Variants in GINM1 observed in about 807,000 individuals in gnomAD.
The protein encoded by GINM1 is glycoprotein integral membrane protein 1.
Under a neutral mutation model 37.8 loss-of-function variants are expected in GINM1, and 29 were observed. The ratio of observed to expected loss-of-function variants is 0.77; its 90% CI spans 0.57 to 1.05. The LOEUF is 1.05. GINM1 is among the 50% of genes least tolerant of loss of function. The probability of loss-of-function intolerance (pLI) is 0.00; values close to 1 mark genes in which losing one functional copy is unlikely to be tolerated. For missense variants in GINM1, 377 were observed against 397.9 expected (o/e 0.95, Z 0.45); for synonymous variants, 143 against 146.2 (o/e 0.98, Z 0.16).
chr6:149,588,196 G>T (rs1778102119), intron 7 of GINM1, among the ~76,000 whole-genome samples: 1 of 152,124 alleles, frequency 6.6e-6, no homozygotes, highest in African/African-American at 2.4e-5. Context: ...CTTACAACCT[G>T]ATGATAATCT....
At chr6:149,572,406 T>A in intron 2 of GINM1, 62 bp downstream of exon 2, 1 of 1,334,132 alleles carries the variant, frequency 7.5e-7, no homozygotes, top group Non-Finnish European at 1.1e-6. Context: ...CTTATTTGAT[T>A]TTTTAACTTG....
intron 7 of GINM1, 75 bp from the exon 8 acceptor site, chr6:149,590,652 A>G (rs1349420084): frequency 1.3e-6 from 1 of 756,616 alleles, no homozygotes; most frequent in Non-Finnish European, 2.3e-6. Flanking sequence ...ACCTTGAAGT[A>G]GCCTTTTCTC....
chr6:149,582,473 G>A lies in GINM1; in HGVS notation c.751G>A (p.Asp251Asn), dbSNP rs756008447. Residue 251 changes from aspartate (D) to asparagine (N), a missense_variant, in exon 7 of 8, where the codon GAT (aspartate) becomes AAT (asparagine). Physicochemically the swap from Asp to Asn is conservative, Grantham distance 23. Transcript: ENST00000367419. The stretch of plus-strand genomic sequence containing the variant: ...TCAGTGGATGGAAAAGTTTAGAAAA[G>A]ATCTGTGTAGGTTCTGGAGCAACGT... ...MCQWMEKFRK[D>N]LCRFWSNVFP... 1 of 1,608,870 alleles carries A rather than the reference G, an allele frequency of 6.2e-7. No homozygotes were observed. Among genetic ancestry groups the A allele is most frequent in the Admixed American group, 1.7e-5 (1 of 58,372 alleles).
rs956357545 is a variant in GINM1 at position 149,579,989 on chromosome 6, A to G, written c.585A>G (p.Lys195=). 1.3e-6 allele frequency: 2 copies of G among 1,569,774 alleles called. No individual in the cohort carries two copies. Among genetic ancestry groups the G allele is most frequent in the Non-Finnish European group, 1.7e-6 (2 of 1,155,660 alleles). The change falls in exon 5 of 8, where the codon AAA becomes AAG. Residue 195 remains lysine (K), a splice_region_variant and synonymous_variant. Coordinates refer to ENST00000367419, the MANE Select transcript of GINM1 (RefSeq NM_138785.5). ...TTACCCTTCCTAACCTCTCCAAAAA[A>G]GGTAACTTAAAAGACCATTATTTAA... The part of the protein sequence containing the change: ...ILFTLPNLSK[K]ESVSSLQTTS...
Position 149,578,860 on chromosome 6 carries a change from T to C in GINM1, c.316T>C (p.Tyr106His). Residue 106 changes from tyrosine (Y) to histidine (H), a missense_variant, in exon 4 of 8, where the codon TAT (tyrosine) becomes CAT (histidine). By Grantham distance (83) the Tyr-to-His change is moderately conservative (BLOSUM62 2). Coordinates refer to ENST00000367419, the MANE Select transcript of GINM1 (RefSeq NM_138785.5). ...ENLENLEEKEYFGIVSVRILV... is the reference protein window; with the variant it reads ...ENLENLEEKEHFGIVSVRILV... ...TCTTGAAAATTTGGAGGAAAAAGAA[T>C]ATTTTGGAATTGTCAGTGTAAGGAT... 6.3e-7 allele frequency: 1 copy of C among 1,588,698 alleles called. No individual in the cohort carries two copies. Among genetic ancestry groups the C allele is most frequent in the African/African-American group, 1.3e-5 (1 of 74,110 alleles).
intron 3 of GINM1, among the ~76,000 whole-genome samples, chr6:149,577,800 G>A (rs147342756): frequency 0.012 from 1,857 of 152,264 alleles, 15 homozygotes; most frequent in Middle Eastern, 0.041. Context: ...TCTGTGACAG[G>A]TGCATTGGTG....
intron 3 of GINM1, 84 bp downstream of exon 3, chr6:149,572,687 A>G: frequency 1.1e-6 from 1 of 871,564 alleles, no homozygotes. Context: ...TTTTTGAGAC[A>G]GTCTTGCTCT....
At chr6:149,569,232 C>T (rs1335513876) in intron 1 of GINM1, among the ~76,000 whole-genome samples, 1 of 151,698 alleles carries the variant, frequency 6.6e-6, no homozygotes, top group African/African-American at 2.4e-5. Context: ...GATGGGGTTT[C>T]ACCATGTTGG....
chr6:149,586,702 A>G (rs1458639999), intron 7 of GINM1, among the ~76,000 whole-genome samples: 1 of 152,054 alleles, frequency 6.6e-6, no homozygotes. Flanking sequence ...TTTTCTTATC[A>G]CTACATATAT....
Position 149,566,607 on chromosome 6 carries a change from C to T in GINM1, c.120+73C>T. On this transcript the variant is annotated intron_variant, in intron 1 of 7. Transcript: ENST00000367419. The surrounding 1 kb of genome is among the most constrained non-coding windows in gnomAD (Gnocchi z 4.4). ...GGGAGGCCCGGGCTGTCCACAGTGA[C>T]GCTTCCCACATCCCACCGGCGGGCA... The T allele has an allele frequency of 3.6e-6, 5 of 1,384,512 alleles. No homozygotes were observed. The highest frequency in any genetic ancestry group is 4.7e-6 in the Non-Finnish European group (5 of 1,066,972). The allele number at this position is 1,384,512 out of a possible 1,614,324, so 85.8% of individuals were successfully genotyped here. A position where few individuals can be genotyped will look rare whatever the true frequency, so the allele number is the denominator to read the frequency against.
chr6:149,584,714 T>G (rs1738426448), intron 7 of GINM1, among the ~76,000 whole-genome samples: 1 of 152,026 alleles, frequency 6.6e-6, no homozygotes, highest in South Asian at 2.1e-4. Context: ...TGGTTGAGCA[T>G]CCTCAATCCA....
chr6:149,590,600 A>G (rs1778139841), intron 7 of GINM1, 127 bp from the exon 8 acceptor site: 3 of 568,186 alleles, frequency 5.3e-6, no homozygotes, highest in Non-Finnish European at 9.3e-6. Flanking sequence ...GAATTTTTAA[A>G]TAGAATGTAG....
chr6:149,575,032 T>C (rs1292645877), intron 3 of GINM1, among the ~76,000 whole-genome samples: 1 of 152,212 alleles, frequency 6.6e-6, no homozygotes, highest in Admixed American at 6.5e-5. Flanking sequence ...GTGACATAAT[T>C]ATTGTTTTAT....
chr6:149,573,142 G>A (rs1017675894), intron 3 of GINM1, among the ~76,000 whole-genome samples: 4 of 151,998 alleles, frequency 2.6e-5, no homozygotes, highest in African/African-American at 9.7e-5. Flanking sequence ...GGCCAACACG[G>A]TGAAACCCCA....
At chr6:149,568,931 A>G (rs1777765013) in intron 1 of GINM1, among the ~76,000 whole-genome samples, 1 of 151,384 alleles carries the variant, frequency 6.6e-6, no homozygotes, top group African/African-American at 2.4e-5. Flanking sequence ...TCCCAGGTTC[A>G]AGTGATTCTC....
At chr6:149,571,818 C>T (rs1389291931) in intron 1 of GINM1, among the ~76,000 whole-genome samples, 4 of 152,082 alleles carry the variant, frequency 2.6e-5, no homozygotes, top group African/African-American at 9.7e-5. Context: ...CGCGGTGACT[C>T]ACGCCTGTAA....
chr6:149,574,531 T>C (rs1582733491), intron 3 of GINM1, among the ~76,000 whole-genome samples: 1 of 152,358 alleles, frequency 6.6e-6, no homozygotes, highest in South Asian at 2.1e-4. Context: ...GGTATCATAG[T>C]TCCCTTCTGT....
chr6:149,572,524 C>A lies in GINM1; in HGVS notation c.198C>A (p.Thr66=). Residue 66 remains threonine, a synonymous_variant, in exon 3 of 8, where the codon ACC becomes ACA. Coordinates refer to ENST00000367419, the MANE Select transcript of GINM1 (RefSeq NM_138785.5). Reference sequence around the variant, plus strand: ...ATTTTAAGGTTGTTCTTAACATAACCTATGAGAGTGGACAGGTGTATGTAA... The same window carrying A: ...ATTTTAAGGTTGTTCTTAACATAACATATGAGAGTGGACAGGTGTATGTAA... The part of the protein sequence containing the change: ...ISKQQVVLNI[T]YESGQVYVND... 1 of 1,593,126 alleles carries A rather than the reference C, an allele frequency of 6.3e-7. No homozygotes were observed. The highest frequency in any genetic ancestry group is 1.7e-4 in the Middle Eastern group (1 of 6,014).
At chr6:149,580,570 A>T (rs764476982) in intron 5 of GINM1, 23 bp from the exon 6 acceptor site, 1 of 1,596,784 alleles carries the variant, frequency 6.3e-7, no homozygotes, top group South Asian at 1.1e-5. Context: ...CATTTTGGTA[A>T]CGTTGCTCTT....
Sources: allele counts gnomAD v4.1 joint callset (sites outside exome capture counted in the v4.1 genomes callset), GRCh38; gene constraint gnomAD v4.1.1; non-coding constraint Gnocchi (gnomAD v3.1); transcripts MANE v1.5; gene names NCBI Gene and HGNC (gene_info 2026-07-23, HGNC 2026-07-21).